SLC44A3: variants seen among roughly 807,000 people sequenced by gnomAD.
SLC44A3 encodes choline transporter-like protein 3.
In SLC44A3, 74 loss-of-function variants were observed where a neutral mutation model predicts 75.4. The observed-to-expected ratio is 0.98, with a 90% CI of 0.81 to 1.19. SLC44A3 has a LOEUF of 1.19. SLC44A3 is among the 50% of genes most tolerant of loss of function. The pLI, the probability that SLC44A3 is intolerant of heterozygous loss-of-function variation, is 0.00. For synonymous variants in SLC44A3, 310 were observed against 296.9 expected (o/e 1.04, Z -0.45); for missense variants, 700 against 778.6 (o/e 0.90, Z 1.20).
chr1:94,892,902 T>C (rs1670378245), intron 14 of SLC44A3, among the ~76,000 whole-genome samples: 2 of 152,202 alleles, frequency 1.3e-5, no homozygotes, highest in South Asian at 4.1e-4. Context: ...AAAGCATTTT[T>C]GCATCTCCAA....
At chr1:94,872,448 C>G (rs1021039608) in intron 12 of SLC44A3, among the ~76,000 whole-genome samples, 2 of 151,708 alleles carry the variant, frequency 1.3e-5, no homozygotes, top group Non-Finnish European at 2.9e-5. Flanking sequence ...TTGCATTCCT[C>G]TTCAATGCTT....
chr1:94,866,873 C>G (rs978611257), intron 11 of SLC44A3, among the ~76,000 whole-genome samples: 5 of 152,100 alleles, frequency 3.3e-5, no homozygotes, highest in Non-Finnish European at 5.9e-5. Context: ...TTATTTCCTC[C>G]AGAGTTAAAC....
At chr1:94,846,831 C>T (rs1407564747) in intron 9 of SLC44A3, among the ~76,000 whole-genome samples, 1 of 152,254 alleles carries the variant, frequency 6.6e-6, no homozygotes, top group Non-Finnish European at 1.5e-5. Context: ...TCAAGTTTAT[C>T]TTGTCCCTTA....
At chr1:94,863,644 T>C (rs1404888281) in intron 10 of SLC44A3, among the ~76,000 whole-genome samples, 1 of 152,238 alleles carries the variant, frequency 6.6e-6, no homozygotes, top group Non-Finnish European at 1.5e-5. Flanking sequence ...AGCAATAGCT[T>C]CCGTGGTTTT....
chr1:94,858,388 A>G (rs539859048), intron 10 of SLC44A3, among the ~76,000 whole-genome samples: 33 of 152,270 alleles, frequency 2.2e-4, no homozygotes, highest in Admixed American at 1.8e-3. Flanking sequence ...TCACATCATG[A>G]AAGCAATTGA....
chr1:94,828,633 G>A (rs1054182141), intron 5 of SLC44A3, 47 bp downstream of exon 5: 2 of 1,529,942 alleles, frequency 1.3e-6, no homozygotes, highest in East Asian at 2.2e-5. Context: ...AAAGTTACTG[G>A]GTACTTGGTG....
intron 12 of SLC44A3, among the ~76,000 whole-genome samples, chr1:94,886,537 C>A (rs1669609401): frequency 1.3e-5 from 2 of 152,112 alleles, no homozygotes; most frequent in African/African-American, 4.8e-5. Flanking sequence ...TGGAGACAGG[C>A]AACACTGGGG....
intron 9 of SLC44A3, among the ~76,000 whole-genome samples, chr1:94,850,082 CA>C (rs1297645284): frequency 2.6e-5 from 4 of 152,050 alleles, no homozygotes; most frequent in Non-Finnish European, 4.4e-5. Flanking sequence ...TTTTTTACTG[CA>C]TTAAAAAAAA....
At chr1:94,867,303 C>T (rs773334417) in intron 11 of SLC44A3, 28 bp from the exon 12 acceptor site, 2 of 1,518,608 alleles carry the variant, frequency 1.3e-6, no homozygotes, top group South Asian at 2.6e-5. Context: ...GTTTTTGACT[C>T]TGTTCCTTTG....
chr1:94,825,439 T>C (rs767551926), intron 3 of SLC44A3, among the ~76,000 whole-genome samples: 4 of 152,192 alleles, frequency 2.6e-5, no homozygotes, highest in Non-Finnish European at 4.4e-5. Context: ...CAAGAGATTC[T>C]CTTGCCTCAG....
At chr1:94,879,559 G>T (rs985345161) in intron 12 of SLC44A3, among the ~76,000 whole-genome samples, 1 of 127,994 alleles carries the variant, frequency 7.8e-6, no homozygotes, top group African/African-American at 2.9e-5. Context: ...AAAAAAAAAG[G>T]CTGGGCGCAG....
Position 94,837,711 on chromosome 1 carries a change from C to T in SLC44A3, c.510C>T (p.Ser170=). Reference sequence around the variant, plus strand: ...GCCATCTTTTTTTCTCTATTTTTAGCAAGTCATTTCCCTTATTTAACCGAT... The same window carrying T: ...GCCATCTTTTTTTCTCTATTTTTAGTAAGTCATTTCCCTTATTTAACCGAT... ...SLCPRLPVPP[S]KSFPLFNRCV... is the part of the protein sequence containing the mutation. The change falls in exon 6 of 15, where the codon AGC becomes AGT. Residue 170 remains serine, a splice_region_variant and synonymous_variant. Coordinates refer to ENST00000271227, the MANE Select transcript of SLC44A3 (RefSeq NM_001114106.3). 1 of 1,549,964 alleles carries T rather than the reference C, an allele frequency of 6.5e-7. No homozygotes were observed. Among genetic ancestry groups the T allele is most frequent in the Non-Finnish European group, 8.7e-7 (1 of 1,151,542 alleles).
chr1:94,864,469 G>A (rs955267883), intron 10 of SLC44A3, among the ~76,000 whole-genome samples: 1 of 152,204 alleles, frequency 6.6e-6, no homozygotes, highest in Non-Finnish European at 1.5e-5. Flanking sequence ...AGGGTTGGTG[G>A]ATGGGCTCTG....
intron 12 of SLC44A3, among the ~76,000 whole-genome samples, chr1:94,887,029 T>G (rs879888071): frequency 1.3e-5 from 2 of 152,044 alleles, no homozygotes; most frequent in Admixed American, 1.3e-4. Flanking sequence ...CTTGCTTGTT[T>G]AAAGGTTAGC....
intron 9 of SLC44A3, among the ~76,000 whole-genome samples, chr1:94,854,924 C>T (rs1665693002): frequency 6.6e-6 from 1 of 151,970 alleles, no homozygotes; most frequent in Admixed American, 6.6e-5. Context: ...TCCACAATGT[C>T]GGTGAGAAAC....
intron 12 of SLC44A3, among the ~76,000 whole-genome samples, chr1:94,875,167 G>A (rs1024395612): frequency 6.6e-6 from 1 of 152,170 alleles, no homozygotes; most frequent in African/African-American, 2.4e-5. Context: ...CCTACACTCT[G>A]CTGCTCCCTC....
intron 10 of SLC44A3, among the ~76,000 whole-genome samples, chr1:94,862,631 A>G (rs990166099): frequency 6.6e-6 from 1 of 152,158 alleles, no homozygotes; most frequent in African/African-American, 2.4e-5. Flanking sequence ...GCTGGGCTTC[A>G]TGGGGCATAT....
intron 10 of SLC44A3, among the ~76,000 whole-genome samples, chr1:94,862,272 T>A (rs1666664105): frequency 6.6e-6 from 1 of 152,202 alleles, no homozygotes. Context: ...ATTTGTCCCA[T>A]GCAGCCCACA....
In SLC44A3 at chr1:94,886,890, G is replaced by A. The variant is rs189879563; in HGVS notation, c.1483-4240G>A. On this transcript the variant is annotated intron_variant, in intron 12 of 14. Coordinates refer to ENST00000271227, the MANE Select transcript of SLC44A3 (RefSeq NM_001114106.3). ...AATGCCAACTTGGGAATCCTTCCTCGTATCTGTCTTGTGTGTTTATAGCTT... is the reference window on the plus strand; with the variant it reads ...AATGCCAACTTGGGAATCCTTCCTCATATCTGTCTTGTGTGTTTATAGCTT... Among the ~76,000 whole-genome samples, 4 of 152,114 alleles carry A rather than the reference G, an allele frequency of 2.6e-5. No individual in the cohort carries two copies. In the East Asian group the frequency reaches 5.8e-4, roughly 22 times the overall value.
Sources: allele counts gnomAD v4.1 joint callset (sites outside exome capture counted in the v4.1 genomes callset), GRCh38; gene constraint gnomAD v4.1.1; transcripts MANE v1.5; gene names NCBI Gene and HGNC (gene_info 2026-07-23, HGNC 2026-07-21).